EYS: variants seen among roughly 807,000 people sequenced by gnomAD.
The protein encoded by EYS is protein eyes shut homolog.
A neutral mutation model predicts 282.1 loss-of-function variants in EYS; 250 were observed. The observed-to-expected ratio is 0.89, with a 90% confidence interval of 0.80 to 0.98. EYS has a LOEUF of 0.98. EYS is among the 50% of genes least tolerant of loss of function. The pLI, the probability that EYS is intolerant of heterozygous loss-of-function variation, is 0.00. For synonymous variants in EYS, 1,355 were observed against 1,282.9 expected, an observed-to-expected ratio of 1.06 and a Z score of -1.20; for missense variants, 4,016 against 3,709.0, an observed-to-expected ratio of 1.08 and a Z score of -2.15.
At chr6:64,613,355 T>G (rs2149846239) in intron 24 of EYS, among the ~76,000 whole-genome samples, 1 of 152,274 alleles carries the variant, frequency 6.6e-6, no homozygotes, top group South Asian at 2.1e-4. Context: ...ATTCATGTTT[T>G]CTTAATAAAT....
At chr6:65,669,348 C>A (rs370316772) in intron 1 of EYS, among the ~76,000 whole-genome samples, 2 of 151,976 alleles carry the variant, frequency 1.3e-5, no homozygotes, top group African/African-American at 4.8e-5. Context: ...TTTAGTCATA[C>A]AAAAACACTT....
chr6:64,544,416 A>G (rs1201294634), intron 26 of EYS, among the ~76,000 whole-genome samples: 1 of 152,180 alleles, frequency 6.6e-6, no homozygotes, highest in African/African-American at 2.4e-5. Flanking sequence ...GAACATACAT[A>G]TTAGGAACTG....
chr6:65,178,444 G>C (rs1244881699), intron 12 of EYS, among the ~76,000 whole-genome samples: 1 of 151,858 alleles, frequency 6.6e-6, no homozygotes, highest in Non-Finnish European at 1.5e-5. Context: ...TGGACGAATA[G>C]GAACAGCTTC....
At chr6:64,695,010 T>C (rs9351369) in intron 22 of EYS, among the ~76,000 whole-genome samples, 103,407 of 151,834 alleles carry the variant, frequency 0.68, 36,283 homozygotes, top group Middle Eastern at 0.78. Flanking sequence ...TTCCCCATGC[T>C]GCATCTTTGG....
At chr6:63,786,969 G>C (rs1367898704) in intron 39 of EYS, 2 of 152,136 alleles carry the variant, frequency 1.3e-5, no homozygotes, top group Admixed American at 1.3e-4. Context: ...AATAGTAAAT[G>C]CTAGTTTAGA....
intron 2 of EYS, among the ~76,000 whole-genome samples, chr6:65,576,482 G>T (rs1485753377): frequency 1.3e-5 from 2 of 151,866 alleles, no homozygotes; most frequent in African/African-American, 4.8e-5. Flanking sequence ...ATACTAAATG[G>T]TAAAAAGTTG....
intron 19 of EYS, among the ~76,000 whole-genome samples, chr6:64,848,397 T>C (rs997509510): frequency 6.6e-6 from 1 of 152,198 alleles, no homozygotes; most frequent in Admixed American, 6.6e-5. Context: ...ACAGCAATCA[T>C]GCAGAAATTT....
chr6:65,625,648 T>C (rs1292754968), intron 2 of EYS, among the ~76,000 whole-genome samples: 1 of 152,238 alleles, frequency 6.6e-6, no homozygotes, highest in Non-Finnish European at 1.5e-5. Context: ...TTATGTTTAC[T>C]GAATAAATGA....
intron 19 of EYS, among the ~76,000 whole-genome samples, chr6:64,839,224 T>C (rs1023466660): frequency 2.0e-5 from 3 of 152,042 alleles, no homozygotes; most frequent in Admixed American, 2.0e-4. Context: ...AATCGATCAC[T>C]TCATTTTGAA....
chr6:64,340,855 A>C (rs1041870045), intron 29 of EYS, among the ~76,000 whole-genome samples: 6 of 151,818 alleles, frequency 4.0e-5, no homozygotes, highest in African/African-American at 1.5e-4. Context: ...TCAATAACTT[A>C]AAGAAATCAA....
intron 33 of EYS, among the ~76,000 whole-genome samples, chr6:64,019,372 T>G (rs996429166): frequency 2.0e-5 from 3 of 152,154 alleles, no homozygotes; most frequent in African/African-American, 7.2e-5. Context: ...TTTCTTATAG[T>G]AGCTACAAGA....
intron 26 of EYS, among the ~76,000 whole-genome samples, chr6:64,459,490 G>C (rs192198745): frequency 2.0e-5 from 3 of 152,302 alleles, no homozygotes; most frequent in Non-Finnish European, 4.4e-5. Flanking sequence ...ACAAGGTGAA[G>C]TACCACAATA....
At chr6:65,232,406 TTC>T (rs1473083056) in intron 12 of EYS, among the ~76,000 whole-genome samples, 3 of 151,782 alleles carry the variant, frequency 2.0e-5, no homozygotes, top group African/African-American at 7.2e-5. Flanking sequence ...AGTGACTACT[TTC>T]TTATAATTAA....
rs35657029 is a variant in EYS at position 64,169,431 on chromosome 6, G to GTTTTTTTTTT, written c.6424+61151_6424+61160dup. 2.2e-3 allele frequency among the ~76,000 whole-genome samples: 313 copies of GTTTTTTTTTT among 140,942 alleles called. 8 individuals are homozygous for GTTTTTTTTTT. The highest frequency in any genetic ancestry group is 8.0e-3 in the African/African-American group (292 of 36,380). 92.5% of individuals were successfully genotyped at this position (140,942 alleles called of 152,430 possible). On this transcript the variant is annotated intron_variant, in intron 31 of 42. Transcript: ENST00000503581. ...ACATACTCAAACAATTTGAGGAGGAGTTTTTTTTTTTTTTTTACAAAAAGG... is the reference window on the plus strand; with the variant it reads ...ACATACTCAAACAATTTGAGGAGGAGTTTTTTTTTTTTTTTTTTTTTTTTTTACAAAAAGG...
chr6:65,180,519 A>G (rs1765350323), intron 12 of EYS, among the ~76,000 whole-genome samples: 1 of 152,124 alleles, frequency 6.6e-6, no homozygotes. Flanking sequence ...GGACCTCTTC[A>G]AGGAGAACTA....
chr6:63,764,456 C>G (rs1190735432), intron 40 of EYS, among the ~76,000 whole-genome samples: 1 of 151,766 alleles, frequency 6.6e-6, no homozygotes, highest in Non-Finnish European at 1.5e-5. Flanking sequence ...AGAAATAAAA[C>G]TATAGTAAAA....
chr6:63,877,355 G>T (rs1344692692), intron 35 of EYS, among the ~76,000 whole-genome samples: 1 of 152,164 alleles, frequency 6.6e-6, no homozygotes, highest in East Asian at 1.9e-4. Flanking sequence ...ATTCTGATGG[G>T]CTTCCCTTTG....
At chr6:65,231,223 T>C (rs1445284106) in intron 12 of EYS, among the ~76,000 whole-genome samples, 2 of 147,664 alleles carry the variant, frequency 1.4e-5, no homozygotes, top group Non-Finnish European at 3.0e-5. Context: ...GACATATATA[T>C]CTGAATTTCT....
intron 31 of EYS, among the ~76,000 whole-genome samples, chr6:64,192,823 G>A (rs935183786): frequency 6.6e-6 from 1 of 152,158 alleles, no homozygotes; most frequent in African/African-American, 2.4e-5. Flanking sequence ...AGAGGTACAA[G>A]TTTGCTTTTT....
Sources: gnomAD v4.1 joint callset for allele counts (sites outside exome capture counted in the v4.1 genomes callset) on GRCh38, gnomAD v4.1.1 for gene constraint, MANE v1.5 for transcripts, NCBI Gene and HGNC (gene_info 2026-07-23, HGNC 2026-07-21) for gene names.